Variants in ARL15 observed in about 807,000 individuals in gnomAD.
ARL15 encodes the protein ADP-ribosylation factor-like protein 15.
A neutral mutation model predicts 25.2 loss-of-function variants in ARL15; 19 were observed. The observed-to-expected ratio is 0.75, with a 90% CI of 0.53 to 1.10. The LOEUF (loss-of-function observed/expected upper bound fraction) is 1.10, where lower values mean the gene tolerates loss of function less well. Ranked by LOEUF, ARL15 falls within the 50% of genes least tolerant of loss-of-function variation. The pLI, the probability that ARL15 is intolerant of heterozygous loss-of-function variation, is 0.00. For synonymous variants in ARL15, 94 were observed against 86.8 expected, an observed-to-expected ratio of 1.08 and a Z score of -0.46; for missense variants, 220 against 246.0, an observed-to-expected ratio of 0.89 and a Z score of 0.71.
intron 1 of ARL15, among the ~76,000 whole-genome samples, chr5:54,277,898 GTT>G (rs1757964797): frequency 6.6e-6 from 1 of 152,188 alleles, no homozygotes; most frequent in Admixed American, 6.5e-5. Flanking sequence ...ACTTGTTTCA[GTT>G]TTACGCAGCT....
intron 1 of ARL15, among the ~76,000 whole-genome samples, chr5:54,290,976 T>G (rs1758305849): frequency 1.3e-5 from 2 of 152,232 alleles, no homozygotes; most frequent in Non-Finnish European, 2.9e-5. Context: ...CCCCTTTTAC[T>G]GAATCAGTAC....
At chr5:54,154,146 G>A (rs1295308500) in intron 3 of ARL15, among the ~76,000 whole-genome samples, 1 of 152,132 alleles carries the variant, frequency 6.6e-6, no homozygotes, top group East Asian at 1.9e-4. Flanking sequence ...GAACCCATTG[G>A]CAAAGATTTA....
intron 4 of ARL15, among the ~76,000 whole-genome samples, chr5:53,951,024 G>T (rs1207050319): frequency 1.3e-5 from 2 of 152,148 alleles, no homozygotes; most frequent in Non-Finnish European, 2.9e-5. Context: ...GCCAAGAATG[G>T]TTTTCACAGT....
intron 1 of ARL15, among the ~76,000 whole-genome samples, chr5:54,219,186 G>A (rs750265844): frequency 3.2e-4 from 48 of 151,998 alleles, no homozygotes; most frequent in Non-Finnish European, 5.3e-4. Flanking sequence ...GCTCTCTTTC[G>A]CTATTAAAAT....
intron 4 of ARL15, among the ~76,000 whole-genome samples, chr5:53,958,038 C>T (rs1364898271): frequency 1.3e-5 from 2 of 151,700 alleles, no homozygotes; most frequent in African/African-American, 4.8e-5. Context: ...GGTGAAAACC[C>T]ATCTCTACAA....
intron 4 of ARL15, among the ~76,000 whole-genome samples, chr5:54,039,125 T>C (rs1255136206): frequency 2.0e-5 from 3 of 152,210 alleles, no homozygotes; most frequent in African/African-American, 4.8e-5. Flanking sequence ...TCTATTCATA[T>C]ATCTACCTAC....
intron 4 of ARL15, among the ~76,000 whole-genome samples, chr5:54,065,900 C>A (rs1751216395): frequency 6.6e-6 from 1 of 152,102 alleles, no homozygotes; most frequent in Non-Finnish European, 1.5e-5. Flanking sequence ...TTTAACACAG[C>A]TATTAGAAAA....
In ARL15 at chr5:53,946,521, A is replaced by C. The variant is rs566674803; in HGVS notation, c.463-59808T>G. Among the ~76,000 whole-genome samples the C allele has an allele frequency of 1.8e-3, 268 of 151,618 alleles. 1 individual carries two copies. The highest frequency in any genetic ancestry group is 6.4e-3 in the African/African-American group (265 of 41,400). On this transcript the variant is annotated intron_variant, in intron 4 of 4. Transcript: ENST00000504924. ...GATTATAGAATCTTTCCCCTAATGG[A>C]ATAAACTTAAAATCGCTGTTAAAAG...
At chr5:53,972,878 C>T (rs377545337) in intron 4 of ARL15, among the ~76,000 whole-genome samples, 1 of 152,210 alleles carries the variant, frequency 6.6e-6, no homozygotes, top group East Asian at 1.9e-4. Context: ...CCTTCTGTTA[C>T]GTACTGGAAG....
At chr5:54,247,768 TACTC>T (rs1186759466) in intron 1 of ARL15, among the ~76,000 whole-genome samples, 10 of 152,262 alleles carry the variant, frequency 6.6e-5, no homozygotes, top group Admixed American at 4.6e-4. Context: ...AGAACATCCT[TACTC>T]AATATAACAT....
chr5:54,297,864 G>A (rs1271049199), intron 1 of ARL15, among the ~76,000 whole-genome samples: 1 of 152,010 alleles, frequency 6.6e-6, no homozygotes, highest in Non-Finnish European at 1.5e-5. Context: ...CTCACTGCAA[G>A]CTCCACCTCC....
intron 1 of ARL15, among the ~76,000 whole-genome samples, chr5:54,191,205 C>CA (rs1755390990): frequency 1.3e-5 from 2 of 152,114 alleles, no homozygotes; most frequent in South Asian, 2.1e-4. Context: ...ATAAGCCAGC[C>CA]AGCCGTAAAA....
intron 4 of ARL15, among the ~76,000 whole-genome samples, chr5:53,910,643 A>ATATATATATATG (rs1745427319): frequency 1.2e-5 from 1 of 83,482 alleles, no homozygotes; most frequent in Admixed American, 1.2e-4. Context: ...TTATATATAT[A>ATATATATATATG]TATATATATA....
intron 1 of ARL15, among the ~76,000 whole-genome samples, chr5:54,299,390 CAGACCT>C (rs1427132903): frequency 6.6e-6 from 1 of 152,084 alleles, no homozygotes; most frequent in East Asian, 1.9e-4. Flanking sequence ...AAACATTAGC[CAGACCT>C]AGGTTCAAAT....
intron 1 of ARL15, among the ~76,000 whole-genome samples, chr5:54,230,001 A>G (rs2112551647): frequency 6.6e-6 from 1 of 152,338 alleles, no homozygotes; most frequent in East Asian, 1.9e-4. Flanking sequence ...GTGACTAGGA[A>G]CATGGCTTCC....
At chr5:53,904,621 A>G (rs1356752660) in intron 4 of ARL15, among the ~76,000 whole-genome samples, 1 of 152,232 alleles carries the variant, frequency 6.6e-6, no homozygotes, top group Non-Finnish European at 1.5e-5. Context: ...AATGAAACAA[A>G]TATAAAACAC....
At chr5:53,982,982 T>C (rs1254738301) in intron 4 of ARL15, among the ~76,000 whole-genome samples, 1 of 152,238 alleles carries the variant, frequency 6.6e-6, no homozygotes, top group Non-Finnish European at 1.5e-5. Context: ...AAATGTCTTC[T>C]TTTGAGAAGT....
At chr5:54,085,764 C>T (rs1299765870) in intron 4 of ARL15, among the ~76,000 whole-genome samples, 1 of 152,112 alleles carries the variant, frequency 6.6e-6, no homozygotes, top group African/African-American at 2.4e-5. Context: ...CTTCCATTGT[C>T]TTTGGCAGGT....
intron 4 of ARL15, among the ~76,000 whole-genome samples, chr5:54,010,835 T>C (rs1749213886): frequency 6.6e-6 from 1 of 151,878 alleles, no homozygotes; most frequent in Admixed American, 6.6e-5. Flanking sequence ...CCGTCTCTAC[T>C]GAAAATACAA....
Sources: allele counts gnomAD v4.1 joint callset (sites outside exome capture counted in the v4.1 genomes callset), GRCh38; gene constraint gnomAD v4.1.1; transcripts MANE v1.5; gene names NCBI Gene and HGNC (gene_info 2026-07-23, HGNC 2026-07-21).